Variants in INO80 observed in about 807,000 individuals in gnomAD.
INO80 encodes the protein INO80 complex ATPase subunit, also known as chromatin-remodeling ATPase INO80.
Under a neutral mutation model 203.4 loss-of-function variants are expected in INO80, and 20 were observed. The observed-to-expected ratio is 0.10, with a 90% confidence interval of 0.07 to 0.14. The LOEUF is 0.14. INO80 is among the 10% of genes least tolerant of loss of function. The probability of loss-of-function intolerance (pLI) is 1.00; values close to 1 mark genes in which losing one functional copy is unlikely to be tolerated. For missense variants in INO80, 1,419 were observed against 1,914.4 expected (o/e 0.74, Z 4.83); for synonymous variants, 726 against 685.2 (o/e 1.06, Z -0.93).
At chr15:41,093,661 C>T (rs1318068435) in intron 4 of INO80, among the ~76,000 whole-genome samples, 1 of 151,836 alleles carries the variant, frequency 6.6e-6, no homozygotes, top group Non-Finnish European at 1.5e-5. Flanking sequence ...CTCAGGAGTT[C>T]GACACCAGCC....
chr15:40,994,608 G>A (rs954187167), intron 29 of INO80, among the ~76,000 whole-genome samples: 5 of 151,734 alleles, frequency 3.3e-5, no homozygotes, highest in Non-Finnish European at 5.9e-5. Context: ...CTTGTGATCC[G>A]CCTGCCTCTG....
intron 29 of INO80, among the ~76,000 whole-genome samples, chr15:40,996,036 T>TGAGAGAGA (rs35496221): frequency 6.7e-6 from 1 of 149,962 alleles, no homozygotes; most frequent in Admixed American, 6.6e-5. Context: ...ATCAGATTAG[T>TGAGAGAGA]GAGAGAGAGA....
chr15:40,983,976 C>CT, intron 33 of INO80, 55 bp from the exon 34 acceptor site: 1 of 1,575,922 alleles, frequency 6.3e-7, no homozygotes, highest in Non-Finnish European at 8.7e-7. Context: ...CGCCCATGGC[C>CT]TTGCACCCAG....
At chr15:41,087,054 T>C (rs939037560) in intron 6 of INO80, among the ~76,000 whole-genome samples, 2 of 152,006 alleles carry the variant, frequency 1.3e-5, no homozygotes, top group Admixed American at 6.6e-5. Flanking sequence ...AAATATGAAT[T>C]AAGGTTAATA....
intron 6 of INO80, among the ~76,000 whole-genome samples, chr15:41,086,584 G>T (rs1483817681): frequency 6.6e-6 from 1 of 151,546 alleles, no homozygotes; most frequent in East Asian, 1.9e-4. Flanking sequence ...TCAGGAGGTA[G>T]AGGTTGCAGT....
chr15:40,984,063 A>G, intron 33 of INO80, 134 bp downstream of exon 33: 1 of 1,334,150 alleles, frequency 7.5e-7, no homozygotes, highest in Admixed American at 2.1e-5. Flanking sequence ...TTCTCCTTAC[A>G]GACCTCATGT....
rs369784846 is a variant in INO80 at position 41,106,383 on chromosome 15, CAAAAAAA to C, written c.-44+9583_-44+9589del. On this transcript the variant is annotated intron_variant, in intron 1 of 35. Transcript: ENST00000648947. ...TGGGTGACAGGGCCAGACCCTGTCT[CAAAAAAA>C]AAAAAAAAAAAGAGAAAGAAAGAAA... 5.0e-3 allele frequency among the ~76,000 whole-genome samples: 419 copies of C among 83,922 alleles called. 2 individuals are homozygous for C. The highest frequency in any genetic ancestry group is 0.024 in the South Asian group (59 of 2,422). The allele number at this position is 83,922 out of a possible 152,430, so 55.1% of individuals were successfully genotyped here. A position where few individuals can be genotyped will look rare whatever the true frequency, so the allele number is the denominator to read the frequency against.
At chr15:40,984,667 C>T (rs1296010675) in intron 32 of INO80, among the ~76,000 whole-genome samples, 1 of 151,164 alleles carries the variant, frequency 6.6e-6, no homozygotes, top group Non-Finnish European at 1.5e-5. Flanking sequence ...ATATCTGCCA[C>T]AATAATAGAG....
At chr15:41,049,790 G>A in intron 20 of INO80, 145 bp downstream of exon 20, 1 of 712,492 alleles carries the variant, frequency 1.4e-6, no homozygotes. Flanking sequence ...GGAGGCTGAG[G>A]CAGGAGAATT....
At chr15:41,047,558 T>TA in intron 22 of INO80, 57 bp from the exon 23 acceptor site, 1 of 1,193,094 alleles carries the variant, frequency 8.4e-7, no homozygotes, top group Non-Finnish European at 1.2e-6. Flanking sequence ...GATGCTCAGT[T>TA]AAAGCCTGCT....
Position 41,079,787 on chromosome 15 carries a change from T to C in INO80, c.1045A>G (p.Lys349Glu). ...LTKEMLLYWK[K>E]YEKVEKEHRK... ...TGCTCCTTCTCTACTTTCTCATATT[T>C]CTTCCAGTACAGAAGCATCTCCTTG... Residue 349 changes from lysine to glutamate, a missense_variant, in exon 9 of 36, where the codon AAA becomes GAA. By Grantham distance (56) the Lys-to-Glu change is moderately conservative (BLOSUM62 1). Transcript: ENST00000648947. The C allele has an allele frequency of 6.2e-7, 1 of 1,614,156 alleles. No homozygotes were observed.
intron 19 of INO80, among the ~76,000 whole-genome samples, chr15:41,050,675 T>C (rs1406286958): frequency 1.3e-5 from 2 of 152,156 alleles, no homozygotes; most frequent in African/African-American, 2.4e-5. Context: ...TCATCTGATA[T>C]AGTATAGACT....
rs1240519394 is a variant in INO80, at chr15:41,028,724, C to T, written c.2908-988G>A. Among the ~76,000 whole-genome samples the T allele has an allele frequency of 2.0e-5, 3 of 152,106 alleles. No homozygotes were observed. In the South Asian group the frequency reaches 6.2e-4, roughly 32 times the overall value. ...ATACAGAAATTAGCCAGCATGGTGG[C>T]GGATGCCTGTAATCCCAGCTACTCA... On this transcript the variant is annotated intron_variant, in intron 24 of 35. Coordinates refer to ENST00000648947, the MANE Select transcript of INO80 (RefSeq NM_017553.3).
chr15:41,082,672 C>T (rs2045502937), intron 7 of INO80, among the ~76,000 whole-genome samples: 1 of 151,838 alleles, frequency 6.6e-6, no homozygotes, highest in African/African-American at 2.4e-5. Context: ...CCATTGTACT[C>T]CAACCTGGGT....
intron 25 of INO80, among the ~76,000 whole-genome samples, chr15:41,025,161 TAG>T (rs1033145022): frequency 8.5e-5 from 13 of 152,132 alleles, no homozygotes; most frequent in African/African-American, 2.9e-4. Flanking sequence ...TCACAGCAAT[TAG>T]AGTTTTCCTC....
intron 31 of INO80, among the ~76,000 whole-genome samples, chr15:40,986,773 C>A (rs982895414): frequency 1.3e-5 from 2 of 151,992 alleles, no homozygotes; most frequent in African/African-American, 4.8e-5. Context: ...TTACAGGTGC[C>A]CGCTACCATG....
intron 26 of INO80, among the ~76,000 whole-genome samples, chr15:41,020,235 T>C (rs764388757): frequency 2.0e-5 from 3 of 151,522 alleles, no homozygotes; most frequent in Non-Finnish European, 4.4e-5. Context: ...AAAAAAGGAA[T>C]GTAGTCAAAA....
At chr15:41,080,826 C>G (rs1050393911) in intron 8 of INO80, among the ~76,000 whole-genome samples, 194 bp downstream of exon 8, 9 of 152,126 alleles carry the variant, frequency 5.9e-5, no homozygotes, top group African/African-American at 2.2e-4. Flanking sequence ...GCACTCCAGC[C>G]TGGGTGGCTG....
chr15:41,095,557 T>G (rs1405994439), intron 4 of INO80, 44 bp downstream of exon 4: 3 of 1,376,540 alleles, frequency 2.2e-6, no homozygotes, highest in African/African-American at 2.9e-5. Context: ...ATTAGTAACT[T>G]TAGTAGACTA....
Sources: gnomAD v4.1 joint callset for allele counts (sites outside exome capture counted in the v4.1 genomes callset) on GRCh38, gnomAD v4.1.1 for gene constraint, MANE v1.5 for transcripts, NCBI Gene and HGNC (gene_info 2026-07-23, HGNC 2026-07-21) for gene names.